Variants in PCDHGA6 observed in about 807,000 individuals in gnomAD.
PCDHGA6 encodes protocadherin gamma subfamily A, 6, also known as protocadherin gamma-A6.
Under a neutral mutation model 60.6 loss-of-function variants are expected in PCDHGA6, and 41 were observed. That is an observed-to-expected ratio of 0.68 (90% CI 0.53 to 0.88). The LOEUF is 0.88. Ranked by LOEUF, PCDHGA6 falls within the 40% of genes least tolerant of loss-of-function variation. The pLI is 0.00. For missense variants in PCDHGA6, 1,312 were observed against 1,203.0 expected, an observed-to-expected ratio of 1.09 and a Z score of -1.34; for synonymous variants, 594 against 524.4, an observed-to-expected ratio of 1.13 and a Z score of -1.81.
At chr5:141,421,473 C>G (rs907282414) in intron 1 of PCDHGA6, 14 of 1,614,112 alleles carry the variant, frequency 8.7e-6, no homozygotes, top group African/African-American at 1.3e-5. Flanking sequence ...ATCCGCGAAG[C>G]GGCAGCTTGA....
At chr5:141,488,031 A>G (rs1475176300) in intron 1 of PCDHGA6, among the ~76,000 whole-genome samples, 1 of 152,122 alleles carries the variant, frequency 6.6e-6, no homozygotes, top group Non-Finnish European at 1.5e-5. Context: ...CTAGGTTACC[A>G]TTTCCCAAGG....
At chr5:141,441,859 G>T in intron 1 of PCDHGA6, 1 of 348,078 alleles carries the variant, frequency 2.9e-6, no homozygotes. Context: ...GGTGCTGCAC[G>T]CCGCGGAGCC....
chr5:141,418,126 A>G (rs2096226975), intron 1 of PCDHGA6: 3 of 1,613,994 alleles, frequency 1.9e-6, no homozygotes, highest in Non-Finnish European at 2.5e-6. Context: ...TGAAGGACCG[A>G]ATAGACCGTG....
At chr5:141,497,013 A>G (rs2099773320) in intron 2 of PCDHGA6, among the ~76,000 whole-genome samples, 1 of 151,990 alleles carries the variant, frequency 6.6e-6, no homozygotes, top group Admixed American at 6.6e-5. Context: ...ACATGGTGAA[A>G]CCCCATCTCG....
rs1482322150 is a variant in PCDHGA6, at chr5:141,485,119, C to T, written c.2425-9688C>T. On this transcript the variant is annotated intron_variant, in intron 1 of 3. Transcript: ENST00000517434. This position sits in a 1 kb window ranked among gnomAD's most constrained non-coding sequence, Gnocchi z 5.7. ...CTCCAGCTGCTGTGGCTGTTTGGGGCGGGTCGGCTTCATCCGCGTCTCAGG... is the reference window on the plus strand; with the variant it reads ...CTCCAGCTGCTGTGGCTGTTTGGGGTGGGTCGGCTTCATCCGCGTCTCAGG... 9.8e-6 allele frequency: 13 copies of T among 1,328,806 alleles called. No individual in the cohort carries two copies. The East Asian group carries it at 1.8e-4, about 19-fold the overall frequency. 82.3% of individuals were successfully genotyped at this position (1,328,806 alleles called of 1,614,324 possible). A position where few individuals can be genotyped will look rare whatever the true frequency, so the allele number is the denominator to read the frequency against.
rs756876853 is a variant in PCDHGA6 at position 141,374,348 on chromosome 5, A to G, written c.265A>G (p.Arg89Gly). Residue 89 changes from arginine to glycine, a missense_variant, in exon 1 of 4, where the codon AGG becomes GGG. Physicochemically the swap from Arg to Gly is moderately radical, Grantham distance 125 (BLOSUM62 -2). Coordinates refer to ENST00000517434, the MANE Select transcript of PCDHGA6 (RefSeq NM_018919.3). ...AAACGGCAGCTTGGTCACCGCGGGT[A>G]GGATAGACCGCGAGGAGCTCTGTGC... ...PRNGSLVTAG[R>G]IDREELCAQS... 4 of 1,614,028 alleles carry G rather than the reference A, an allele frequency of 2.5e-6. No individual in the cohort carries two copies. Among genetic ancestry groups the G allele is most frequent in the Middle Eastern group, 1.6e-4 (1 of 6,062 alleles).
chr5:141,475,213 G>C (rs1359120020), intron 1 of PCDHGA6, among the ~76,000 whole-genome samples: 2 of 152,170 alleles, frequency 1.3e-5, no homozygotes, highest in African/African-American at 4.8e-5. Context: ...GAAAAGGATT[G>C]ATCAAGTAAA....
intron 1 of PCDHGA6, chr5:141,392,738 T>C (rs2150490352): frequency 4.2e-6 from 6 of 1,433,676 alleles, no homozygotes; most frequent in Non-Finnish European, 5.5e-6. Flanking sequence ...GTCATCTCCA[T>C]AGCTGCGGCA....
At chr5:141,397,960 A>C in intron 1 of PCDHGA6, 2 of 1,021,904 alleles carry the variant, frequency 2.0e-6, no homozygotes, top group East Asian at 2.6e-5. Context: ...GCCCCAGCTC[A>C]GACTCCCCAG....
chr5:141,403,753 C>T lies in PCDHGA6; in HGVS notation c.2424+27246C>T, dbSNP rs767515334. 1.5e-5 allele frequency: 25 copies of T among 1,613,504 alleles called. No homozygotes were observed. In the South Asian group the frequency reaches 2.6e-4, roughly 17 times the overall value. On this transcript the variant is annotated intron_variant, in intron 1 of 3. Transcript: ENST00000517434. ...CCTGGCTGCTTACTGCAACAGCCAG[C>T]GACCTGGATGAGGGAATCAACGGAA...
At position 141,383,772 on chromosome 5, in the gene PCDHGA6, G is replaced by A. The variant is rs187406135; in HGVS notation, c.2424+7265G>A. The A allele has an allele frequency of 1.7e-5, 27 of 1,613,982 alleles. No homozygotes were observed. Among genetic ancestry groups the A allele is most frequent in the Admixed American group, 8.3e-5 (5 of 60,026 alleles). ...AAATAACTCCTAAACTTCCAAAGAT[G>A]TTTCATCTGAACTCGCTTACAGGAG... is the stretch of plus-strand genomic sequence containing the variant. On this transcript the variant is annotated intron_variant, in intron 1 of 3. Transcript: ENST00000517434.
chr5:141,383,521 C>T (rs1434665459), intron 1 of PCDHGA6: 5 of 1,612,260 alleles, frequency 3.1e-6, no homozygotes, highest in Non-Finnish European at 4.2e-6. Flanking sequence ...AGAGCGGGTT[C>T]ACCACCTGGT....
rs146748846 is a variant in PCDHGA6 at position 141,452,937 on chromosome 5, G to C, written c.2425-41870G>C. 4.0e-4 allele frequency among the ~76,000 whole-genome samples: 61 copies of C among 152,254 alleles called. No individual in the cohort carries two copies. The East Asian group carries it at 0.01, about 26-fold the overall frequency. On this transcript the variant is annotated intron_variant, in intron 1 of 3. Coordinates refer to ENST00000517434, the MANE Select transcript of PCDHGA6 (RefSeq NM_018919.3). The stretch of plus-strand genomic sequence containing the variant: ...AGTAAGAAAGAGCTGCTGAAGATTT[G>C]CTTGCAATTGGTTGTCTTTAAACTG...
Position 141,485,209 on chromosome 5 carries a change from G to T in PCDHGA6, c.2425-9598G>T, listed in dbSNP as rs2099609420. The T allele has an allele frequency of 6.2e-7, 1 of 1,614,032 alleles. No individual in the cohort carries two copies. Among genetic ancestry groups the T allele is most frequent in the African/African-American group, 1.3e-5 (1 of 74,938 alleles). On this transcript the variant is annotated intron_variant, in intron 1 of 3. Transcript: ENST00000517434. This position sits in a 1 kb window ranked among gnomAD's most constrained non-coding sequence, Gnocchi z 5.7. Reference sequence around the variant, plus strand: ...AGGTGAGAAGCTGGACAGAAATCTGGCGGTGGGCTACCCTTTTGTTCCTCT... The same window carrying T: ...AGGTGAGAAGCTGGACAGAAATCTGTCGGTGGGCTACCCTTTTGTTCCTCT...
intron 1 of PCDHGA6, among the ~76,000 whole-genome samples, chr5:141,488,854 A>G (rs923370040): frequency 1.3e-5 from 2 of 152,226 alleles, no homozygotes; most frequent in Admixed American, 1.3e-4. Context: ...AACCTGCAGC[A>G]CGAAGTGAGT....
chr5:141,396,179 C>G (rs948602586), intron 1 of PCDHGA6: 1 of 152,178 alleles, frequency 6.6e-6, no homozygotes, highest in African/African-American at 2.4e-5. Context: ...CTTGGCTGGA[C>G]ACAGTGCCTC....
chr5:141,505,883 T>C (rs1225759976), intron 3 of PCDHGA6, among the ~76,000 whole-genome samples: 1 of 152,118 alleles, frequency 6.6e-6, no homozygotes, highest in East Asian at 1.9e-4. Flanking sequence ...GTTGTAGAGA[T>C]TAAATGAGAT....
At position 141,486,047 on chromosome 5, in the gene PCDHGA6, C is replaced by G. The variant is rs763394605; in HGVS notation, c.2425-8760C>G. The G allele has an allele frequency of 3.1e-6, 5 of 1,614,172 alleles. No homozygotes were observed. The East Asian group carries it at 6.7e-5, about 22-fold the overall frequency. On this transcript the variant is annotated intron_variant, in intron 1 of 3. Transcript: ENST00000517434. This position sits in a 1 kb window ranked among gnomAD's most constrained non-coding sequence, Gnocchi z 5.0. ...TCATACCCCTGATCGTGTAAGAAAC[C>G]TCTTTAGCCTGCACCCCACTACTGG...
intron 1 of PCDHGA6, chr5:141,392,755 T>C: frequency 6.8e-7 from 1 of 1,460,466 alleles, no homozygotes; most frequent in South Asian, 1.5e-5. Context: ...GGCAAGAAAC[T>C]AAATAAGACC....
Sources: gnomAD v4.1 joint callset for allele counts (sites outside exome capture counted in the v4.1 genomes callset) on GRCh38, gnomAD v4.1.1 for gene constraint, Gnocchi (gnomAD v3.1) non-coding constraint, MANE v1.5 for transcripts, NCBI Gene and HGNC (gene_info 2026-07-23, HGNC 2026-07-21) for gene names.